The following IFT52 variants were observed in gnomAD, a reference collection of about 807,000 sequenced individuals.
IFT52 encodes intraflagellar transport protein 52 homolog.
A neutral mutation model predicts 54.4 loss-of-function variants in IFT52; 44 were observed. The observed-to-expected ratio is 0.81, with a 90% confidence interval of 0.63 to 1.04. IFT52 has a LOEUF of 1.04. Among genes scored for constraint, IFT52 ranks in the 50% least tolerant of loss-of-function variants. The pLI, the probability that IFT52 is intolerant of heterozygous loss-of-function variation, is 0.00. For synonymous variants in IFT52, 181 were observed against 185.3 expected (o/e 0.98, Z 0.19); for missense variants, 452 against 523.6 (o/e 0.86, Z 1.33).
intron 10 of IFT52, among the ~76,000 whole-genome samples, chr20:43,626,035 A>G (rs1984691026): frequency 6.6e-6 from 1 of 151,352 alleles, no homozygotes; most frequent in African/African-American, 2.4e-5. Context: ...AAAAAAAAAA[A>G]AAAAAAAAGT....
chr20:43,641,442 T>G (rs1985915095), intron 12 of IFT52, among the ~76,000 whole-genome samples: 1 of 151,726 alleles, frequency 6.6e-6, no homozygotes, highest in African/African-American at 2.4e-5. Flanking sequence ...TTCTCCATGT[T>G]GGTCAGGCTG....
chr20:43,632,850 T>TC (rs1207245218), intron 10 of IFT52, among the ~76,000 whole-genome samples: 6 of 152,298 alleles, frequency 3.9e-5, no homozygotes, highest in African/African-American at 1.4e-4. Flanking sequence ...ATTCACTGTG[T>TC]CCATCAGGCA....
chr20:43,643,166 AAAAAAAAC>A (rs1209669860), intron 13 of IFT52, among the ~76,000 whole-genome samples: 1 of 149,628 alleles, frequency 6.7e-6, no homozygotes, highest in Non-Finnish European at 1.5e-5. Flanking sequence ...CTCTGTCTCA[AAAAAAAAC>A]AAAAAAACAA....
chr20:43,631,351 C>G (rs1379365117), intron 10 of IFT52, among the ~76,000 whole-genome samples: 1 of 151,816 alleles, frequency 6.6e-6, no homozygotes. Context: ...AGATCTGCTG[C>G]TCAGTGCTAG....
chr20:43,634,193 T>G (rs1317135026), intron 10 of IFT52, among the ~76,000 whole-genome samples: 1 of 125,530 alleles, frequency 8.0e-6, no homozygotes, highest in Non-Finnish European at 1.6e-5. Context: ...AGTGTTTAGA[T>G]TGTGGTTTTT....
At chr20:43,638,001 G>T (rs1258276041) in intron 12 of IFT52, among the ~76,000 whole-genome samples, 1 of 152,138 alleles carries the variant, frequency 6.6e-6, no homozygotes, top group African/African-American at 2.4e-5. Context: ...ACATGTGGAT[G>T]AAGAAATGAG....
At chr20:43,606,042 G>T (rs868128037) in intron 6 of IFT52, among the ~76,000 whole-genome samples, 1 of 152,084 alleles carries the variant, frequency 6.6e-6, no homozygotes, top group Middle Eastern at 3.4e-3. Context: ...CTAACATGGC[G>T]AAACCCCGTC....
intron 5 of IFT52, among the ~76,000 whole-genome samples, 191 bp downstream of exon 5, chr20:43,604,449 G>A (rs541672934): frequency 7.2e-5 from 11 of 152,030 alleles, no homozygotes; most frequent in South Asian, 2.1e-4. Flanking sequence ...TGTAGCAGGC[G>A]CCTGTAATCC....
At chr20:43,620,233 A>G (rs1984188267) in intron 8 of IFT52, among the ~76,000 whole-genome samples, 1 of 152,090 alleles carries the variant, frequency 6.6e-6, no homozygotes, top group Non-Finnish European at 1.5e-5. Flanking sequence ...TCTTCTTTTC[A>G]AAAGTTTTAA....
At position 43,646,980 on chromosome 20, in the gene IFT52, C is replaced by T. The variant is rs200794826; in HGVS notation, c.1311C>T (p.Phe437=). Residue 437 remains phenylalanine, a synonymous_variant, in exon 14 of 14, where the codon TTC becomes TTT. Transcript: ENST00000373030. ...DTSETAFQNN[F] ...GTGAAACAGCATTCCAGAACAATTT[C>T]TGAAGACCATGCCTCTTGAAGCTTT... 2.2e-5 allele frequency: 35 copies of T among 1,613,436 alleles called. No homozygotes were observed. In the East Asian group the frequency reaches 7.8e-4, roughly 36 times the overall value.
chr20:43,630,746 T>A (rs1350248559), intron 10 of IFT52, among the ~76,000 whole-genome samples: 1 of 152,140 alleles, frequency 6.6e-6, no homozygotes, highest in Non-Finnish European at 1.5e-5. Flanking sequence ...TCCCGAAAGA[T>A]CTAGTTCAGC....
chr20:43,605,151 G>A, intron 6 of IFT52, 78 bp downstream of exon 6: 1 of 1,566,774 alleles, frequency 6.4e-7, no homozygotes, highest in Non-Finnish European at 8.6e-7. Context: ...AAGAGCTTTT[G>A]TTTCTGGTTA....
rs188878129 is a variant in IFT52, at chr20:43,608,116, C to T, written c.485+3043C>T. ...GCAGCAGTATAGTCCAGCTTCGGCT[C>T]GGCATCAGAGGGAGACCGTGGAAAG... On this transcript the variant is annotated intron_variant, in intron 6 of 13. Transcript: ENST00000373030. Among the ~76,000 whole-genome samples, 815 of 152,196 alleles carry T rather than the reference C, an allele frequency of 5.4e-3. 3 individuals carry two copies. The highest frequency in any genetic ancestry group is 6.9e-3 in the Non-Finnish European group (472 of 67,998).
At position 43,618,799 on chromosome 20, in the gene IFT52, A is replaced by G. The variant is rs1037189940; in HGVS notation, c.613-141A>G. 2.9e-5 allele frequency: 18 copies of G among 614,960 alleles called. No individual in the cohort carries two copies. The African/African-American group carries it at 3.2e-4, about 11-fold the overall frequency. 38.1% of individuals were successfully genotyped at this position (614,960 alleles called of 1,614,324 possible). ...CGCCTGGCCTATAGTTGGTATTTCT[A>G]AACTTTAAAATCTGGGTGTGAATTG... On this transcript the variant is annotated intron_variant, in intron 7 of 13. Coordinates refer to ENST00000373030, the MANE Select transcript of IFT52 (RefSeq NM_016004.5).
intron 3 of IFT52, among the ~76,000 whole-genome samples, chr20:43,597,710 A>G (rs570527539): frequency 1.3e-5 from 2 of 152,268 alleles, no homozygotes; most frequent in Non-Finnish European, 2.9e-5. Context: ...CCTGGCCAAC[A>G]TGGTGAAACC....
At chr20:43,641,977 A>T (rs576723598) in intron 12 of IFT52, among the ~76,000 whole-genome samples, 1 of 152,142 alleles carries the variant, frequency 6.6e-6, no homozygotes, top group East Asian at 1.9e-4. Flanking sequence ...TATTTTTAGT[A>T]GAGATGGGGT....
chr20:43,616,942 G>A (rs1983905079), intron 7 of IFT52, among the ~76,000 whole-genome samples: 2 of 151,694 alleles, frequency 1.3e-5, no homozygotes, highest in South Asian at 4.2e-4. Flanking sequence ...GAACCCAGGA[G>A]TTCGAGGCTG....
chr20:43,627,511 A>G (rs1382258425), intron 10 of IFT52, among the ~76,000 whole-genome samples: 2 of 152,212 alleles, frequency 1.3e-5, no homozygotes, highest in Non-Finnish European at 2.9e-5. Context: ...TGCTACAGAG[A>G]GGAACAGAGC....
rs138788865 is a variant in IFT52, at chr20:43,641,142, C to T, written c.1121-1337C>T. On this transcript the variant is annotated intron_variant, in intron 12 of 13. Transcript: ENST00000373030. ...GGCTCCAGAGGATGGCTTCACAGAG[C>T]TATGTTGTTGGTGGAATTATGGGTG... Among the ~76,000 whole-genome samples, 225 of 151,570 alleles carry T rather than the reference C, an allele frequency of 1.5e-3. 1 individual carries two copies. The highest frequency in any genetic ancestry group is 5.1e-3 in the African/African-American group (211 of 41,352).
Sources: gnomAD v4.1 joint callset for allele counts (sites outside exome capture counted in the v4.1 genomes callset) on GRCh38, gnomAD v4.1.1 for gene constraint, MANE v1.5 for transcripts, NCBI Gene and HGNC (gene_info 2026-07-23, HGNC 2026-07-21) for gene names.